Variants in SRGAP1 observed in about 807,000 individuals in gnomAD.
The protein encoded by SRGAP1 is SLIT-ROBO Rho GTPase activating protein 1.
Under a neutral mutation model 121.9 loss-of-function variants are expected in SRGAP1, and 43 were observed. The ratio of observed to expected loss-of-function variants is 0.35; its 90% CI spans 0.28 to 0.46. The LOEUF is 0.46. Among genes scored for constraint, SRGAP1 ranks in the 20% least tolerant of loss-of-function variants. SRGAP1 has a pLI of 1.00. For missense variants in SRGAP1, 1,102 were observed against 1,350.9 expected (o/e 0.82, Z 2.89); for synonymous variants, 447 against 485.4 (o/e 0.92, Z 1.04).
intron 1 of SRGAP1, among the ~76,000 whole-genome samples, chr12:63,896,261 G>A (rs764684913): frequency 4.6e-5 from 7 of 152,126 alleles, no homozygotes; most frequent in Admixed American, 2.6e-4. Flanking sequence ...ATAATAATAC[G>A]ATGGTGATGT....
intron 1 of SRGAP1, among the ~76,000 whole-genome samples, chr12:63,973,294 G>A (rs1177187523): frequency 6.6e-6 from 1 of 152,188 alleles, no homozygotes; most frequent in Non-Finnish European, 1.5e-5. Flanking sequence ...GCACAGGCCT[G>A]GGTCACTTTA....
In SRGAP1 at chr12:63,859,317, G is replaced by A. The variant is rs577815245; in HGVS notation, c.67+14434G>A. ...TGGGATTACAGGTATGCACCACCAT[G>A]CCTGGCTCCTGGCTAATTTTTGTAT... On this transcript the variant is annotated intron_variant, in intron 1 of 21. Coordinates refer to ENST00000355086, the MANE Select transcript of SRGAP1 (RefSeq NM_020762.4). 3.0e-4 allele frequency among the ~76,000 whole-genome samples: 45 copies of A among 152,006 alleles called. No individual in the cohort carries two copies. The South Asian group carries it at 3.3e-3, about 11-fold the overall frequency.
At position 64,063,030 on chromosome 12, in the gene SRGAP1, A is replaced by G. The variant is rs1488388158; in HGVS notation, c.915A>G (p.Ala305=). 1.5e-5 allele frequency: 25 copies of G among 1,613,990 alleles called. No homozygotes were observed. Among genetic ancestry groups the G allele is most frequent in the South Asian group, 9.9e-5 (9 of 91,084 alleles). Residue 305 remains alanine (A), a synonymous_variant, in exon 7 of 22, where the codon GCA becomes GCG. Coordinates refer to ENST00000355086, the MANE Select transcript of SRGAP1 (RefSeq NM_020762.4). ...RHEGLDIIEN[A]VDNLEPRSDK... ...AGGGCTTAGACATTATTGAGAATGC[A>G]GTTGATAATTTAGAGCCCAGGAGCG...
chr12:64,034,632 T>A (rs887645684), intron 4 of SRGAP1, among the ~76,000 whole-genome samples: 1 of 152,240 alleles, frequency 6.6e-6, no homozygotes, highest in African/African-American at 2.4e-5. Context: ...TGTCAGCCTC[T>A]TCTGTGCTCT....
chr12:63,908,424 C>CT lies in SRGAP1; in HGVS notation c.67+63549dup, dbSNP rs1021102151. Among the ~76,000 whole-genome samples the CT allele has an allele frequency of 1.1e-4, 17 of 151,958 alleles. 1 individual carries two copies. The highest frequency in any genetic ancestry group is 4.2e-4 in the South Asian group (2 of 4,814). Reference sequence around the variant, plus strand: ...TAGTTGTTAGTGTGTAAGTGTAAAGCTTTTTTTTGAGATGGAGTCTCGCTC... The same window carrying CT: ...TAGTTGTTAGTGTGTAAGTGTAAAGCTTTTTTTTTGAGATGGAGTCTCGCTC... On this transcript the variant is annotated intron_variant, in intron 1 of 21. Coordinates refer to ENST00000355086, the MANE Select transcript of SRGAP1 (RefSeq NM_020762.4).
intron 1 of SRGAP1, among the ~76,000 whole-genome samples, chr12:63,846,834 A>G (rs1480877816): frequency 6.6e-6 from 1 of 152,232 alleles, no homozygotes; most frequent in Non-Finnish European, 1.5e-5. Context: ...TCATGGAGTC[A>G]GATCATATAC....
At chr12:63,859,415 C>T (rs891948635) in intron 1 of SRGAP1, among the ~76,000 whole-genome samples, 2 of 152,148 alleles carry the variant, frequency 1.3e-5, no homozygotes, top group African/African-American at 2.4e-5. Context: ...GATACACTCG[C>T]CTCAGCCTCC....
At chr12:64,106,443 AT>A (rs1241147867) in intron 15 of SRGAP1, among the ~76,000 whole-genome samples, 1 of 152,204 alleles carries the variant, frequency 6.6e-6, no homozygotes, top group African/African-American at 2.4e-5. Flanking sequence ...TGAGATAATA[AT>A]GCAGCTGTGT....
chr12:63,910,229 A>G (rs951164705), intron 1 of SRGAP1, among the ~76,000 whole-genome samples: 1 of 152,226 alleles, frequency 6.6e-6, no homozygotes, highest in South Asian at 2.1e-4. Context: ...CCAAAATCCA[A>G]CTTGACAACT....
intron 1 of SRGAP1, among the ~76,000 whole-genome samples, chr12:63,977,684 T>A (rs2033129560): frequency 6.6e-6 from 1 of 152,180 alleles, no homozygotes; most frequent in Non-Finnish European, 1.5e-5. Flanking sequence ...TCTTTTTTTT[T>A]AACAAATTAA....
chr12:64,119,153 A>G (rs1055424322), intron 18 of SRGAP1, among the ~76,000 whole-genome samples: 5 of 152,174 alleles, frequency 3.3e-5, no homozygotes, highest in African/African-American at 1.2e-4. Flanking sequence ...TTATCTCAGC[A>G]TTAATTGTCC....
intron 21 of SRGAP1, among the ~76,000 whole-genome samples, chr12:64,137,537 T>G (rs2036875169): frequency 6.6e-6 from 1 of 152,196 alleles, no homozygotes; most frequent in African/African-American, 2.4e-5. Flanking sequence ...AAATGCAGAT[T>G]ATTTTATTAA....
At chr12:63,925,715 G>A (rs112325054) in intron 1 of SRGAP1, among the ~76,000 whole-genome samples, 100 of 152,222 alleles carry the variant, frequency 6.6e-4, no homozygotes, top group African/African-American at 2.4e-3. Flanking sequence ...TGATTGCTGC[G>A]CTTATACTGT....
In SRGAP1 at chr12:64,147,095, T is replaced by C. The variant is rs1305574187; in HGVS notation, c.*4423T>C. 2 of 165,354 alleles carry C rather than the reference T, an allele frequency of 1.2e-5. No homozygotes were observed. Among genetic ancestry groups the C allele is most frequent in the South Asian group, 2.0e-4 (1 of 4,938 alleles). The allele number at this position is 165,354 out of a possible 1,614,324, so 10.2% of individuals were successfully genotyped here. A position where few individuals can be genotyped will look rare whatever the true frequency, so the allele number is the denominator to read the frequency against. On this transcript the variant is annotated 3_prime_UTR_variant, in exon 22 of 22. Coordinates refer to ENST00000355086, the MANE Select transcript of SRGAP1 (RefSeq NM_020762.4). ...TCAGTGTGTAGTGTGATGGTTATTATAGATATTTAAAGTATAGTAAGTGGC... is the reference window on the plus strand; with the variant it reads ...TCAGTGTGTAGTGTGATGGTTATTACAGATATTTAAAGTATAGTAAGTGGC...
intron 6 of SRGAP1, among the ~76,000 whole-genome samples, chr12:64,062,106 C>A (rs2035461210): frequency 1.3e-5 from 2 of 152,130 alleles, no homozygotes; most frequent in Non-Finnish European, 2.9e-5. Context: ...TACCAGATTG[C>A]TTTCCAAAGT....
intron 1 of SRGAP1, chr12:63,983,005 G>A (rs1198773273): frequency 6.6e-6 from 1 of 152,218 alleles, no homozygotes; most frequent in Non-Finnish European, 1.5e-5. Flanking sequence ...TGCGTAAAAG[G>A]TGAAGGCCAG....
chr12:63,858,318 C>T (rs933114477), intron 1 of SRGAP1, among the ~76,000 whole-genome samples: 14 of 147,120 alleles, frequency 9.5e-5, no homozygotes, highest in Admixed American at 6.9e-5. Flanking sequence ...ATGTCGCTGT[C>T]TATGTTTTTT....
At chr12:64,088,689 T>G (rs962351630) in intron 11 of SRGAP1, among the ~76,000 whole-genome samples, 3 of 152,212 alleles carry the variant, frequency 2.0e-5, no homozygotes, top group Non-Finnish European at 4.4e-5. Context: ...CAATTCGTTT[T>G]CATTCCAGGT....
intron 7 of SRGAP1, among the ~76,000 whole-genome samples, chr12:64,063,794 T>A (rs1030782504): frequency 4.6e-5 from 7 of 152,120 alleles, no homozygotes; most frequent in African/African-American, 1.7e-4. Context: ...ACAAAACTCA[T>A]AGATAAAAAC....
Sources: gnomAD v4.1 joint callset for allele counts (sites outside exome capture counted in the v4.1 genomes callset) on GRCh38, gnomAD v4.1.1 for gene constraint, MANE v1.5 for transcripts, NCBI Gene and HGNC (gene_info 2026-07-23, HGNC 2026-07-21) for gene names.